Variants in PTPRR observed in about 807,000 individuals in gnomAD.
The protein encoded by PTPRR is protein tyrosine phosphatase receptor type R.
A neutral mutation model predicts 77.2 loss-of-function variants in PTPRR; 38 were observed. The ratio of observed to expected loss-of-function variants is 0.49; its 90% CI spans 0.38 to 0.65. The LOEUF is 0.65. PTPRR is among the 30% of genes least tolerant of loss of function. PTPRR has a pLI of 0.00. For synonymous variants in PTPRR, 299 were observed against 283.1 expected, an observed-to-expected ratio of 1.06 and a Z score of -0.57; for missense variants, 744 against 799.2, an observed-to-expected ratio of 0.93 and a Z score of 0.83.
chr12:70,663,699 G>C (rs558434597), intron 10 of PTPRR, among the ~76,000 whole-genome samples: 48 of 152,168 alleles, frequency 3.2e-4, no homozygotes, highest in Admixed American at 7.2e-4. Flanking sequence ...AATGTAAAAT[G>C]ACAAATGTTT....
chr12:70,861,050 C>A (rs993427547), intron 2 of PTPRR, among the ~76,000 whole-genome samples: 1 of 152,012 alleles, frequency 6.6e-6, no homozygotes, highest in African/African-American at 2.4e-5. Flanking sequence ...GTGTTGAATT[C>A]CTAGAATTTA....
In PTPRR at chr12:70,730,897, G is replaced by GGA. The variant is rs1196382517; in HGVS notation, c.1007+14919_1007+14920dup. Among the ~76,000 whole-genome samples, 7 of 148,720 alleles carry GGA rather than the reference G, an allele frequency of 4.7e-5. No homozygotes were observed. The South Asian group carries it at 8.7e-4, about 18-fold the overall frequency. ...TAGAGAAAGAGAGAGGAGGGAGGAA[G>GGA]GAGAGAGAGAGACAGAGAATGAAGG... On this transcript the variant is annotated intron_variant, in intron 6 of 13. Coordinates refer to ENST00000283228, the MANE Select transcript of PTPRR (RefSeq NM_002849.4).
chr12:70,783,157 G>A (rs1253694186), intron 2 of PTPRR, among the ~76,000 whole-genome samples: 3 of 152,118 alleles, frequency 2.0e-5, no homozygotes, highest in Admixed American at 6.5e-5. Context: ...ATGCAGACAA[G>A]TGAAGGGTGA....
At chr12:70,880,656 C>T (rs546847486) in intron 2 of PTPRR, among the ~76,000 whole-genome samples, 15 of 152,144 alleles carry the variant, frequency 9.9e-5, no homozygotes, top group Non-Finnish European at 1.5e-4. Context: ...GTCTGTTGTA[C>T]TGCTTAGAGT....
chr12:70,849,071 T>C (rs1020460283), intron 2 of PTPRR, among the ~76,000 whole-genome samples: 1 of 152,174 alleles, frequency 6.6e-6, no homozygotes, highest in Non-Finnish European at 1.5e-5. Flanking sequence ...AATTGACTAA[T>C]AGCAAACTTT....
chr12:70,754,943 T>C (rs918504666), intron 4 of PTPRR, among the ~76,000 whole-genome samples: 2 of 152,162 alleles, frequency 1.3e-5, no homozygotes, highest in African/African-American at 4.8e-5. Flanking sequence ...GAATTATTTG[T>C]CAATAAAAGG....
At chr12:70,827,146 A>ATCATGATC (rs1245076365) in intron 2 of PTPRR, among the ~76,000 whole-genome samples, 5 of 152,320 alleles carry the variant, frequency 3.3e-5, no homozygotes, top group Admixed American at 2.6e-4. Context: ...CATGGCATTT[A>ATCATGATC]TCATGATCTA....
Position 70,817,078 on chromosome 12 carries a change from T to C in PTPRR, c.358-52300A>G, listed in dbSNP as rs571172241. 3.2e-4 allele frequency among the ~76,000 whole-genome samples: 48 copies of C among 152,240 alleles called. No individual in the cohort carries two copies. In the South Asian group the frequency reaches 9.7e-3, roughly 31 times the overall value. ...ACTGCTAAATAGATGGGTGAACAAA[T>C]GAATGAATACTATTATGTGTTATAC... On this transcript the variant is annotated intron_variant, in intron 2 of 13. Transcript: ENST00000283228.
At chr12:70,782,453 T>C (rs147055847) in intron 2 of PTPRR, among the ~76,000 whole-genome samples, 3,786 of 152,146 alleles carry the variant, frequency 0.025, 148 homozygotes, top group African/African-American at 0.087. Flanking sequence ...TGTCCATCAA[T>C]GATAGACTGG....
chr12:70,755,210 A>G (rs1043489175), intron 4 of PTPRR, among the ~76,000 whole-genome samples: 1 of 152,158 alleles, frequency 6.6e-6, no homozygotes, highest in Non-Finnish European at 1.5e-5. Context: ...TAAAGGCTAA[A>G]TCAAGTCAAA....
intron 2 of PTPRR, among the ~76,000 whole-genome samples, chr12:70,865,420 C>T (rs1311756506): frequency 2.0e-5 from 3 of 152,082 alleles, no homozygotes; most frequent in Non-Finnish European, 4.4e-5. Context: ...AGGATGGTCA[C>T]CTTCCAAATG....
intron 2 of PTPRR, among the ~76,000 whole-genome samples, chr12:70,793,678 T>A (rs1185471890): frequency 6.6e-6 from 1 of 152,216 alleles, no homozygotes; most frequent in African/African-American, 2.4e-5. Flanking sequence ...CATTCTTCCA[T>A]CAAACGAGGG....
intron 10 of PTPRR, 79 bp from the exon 11 acceptor site, chr12:70,662,684 A>G: frequency 2.8e-6 from 2 of 711,180 alleles, no homozygotes; most frequent in Non-Finnish European, 4.7e-6. Flanking sequence ...AAGCATCTCA[A>G]GAGTTTTATA....
In PTPRR at chr12:70,920,435, A is replaced by T; in HGVS notation, c.-45T>A. ...GGAGGAGAAACTCCACCACGACCCC[A>T]CTTCAGGTAAAGTGCTATTAGAAAG... On this transcript the variant is annotated 5_prime_UTR_variant, in exon 1 of 14. Coordinates refer to ENST00000283228, the MANE Select transcript of PTPRR (RefSeq NM_002849.4). The T allele has an allele frequency of 1.9e-6, 3 of 1,574,400 alleles. No individual in the cohort carries two copies. The highest frequency in any genetic ancestry group is 2.6e-6 in the Non-Finnish European group (3 of 1,148,258).
chr12:70,781,251 T>C (rs1891197291), intron 2 of PTPRR, among the ~76,000 whole-genome samples: 3 of 152,216 alleles, frequency 2.0e-5, no homozygotes, highest in Admixed American at 2.0e-4. Flanking sequence ...TCTTGTTAGG[T>C]AGCCTTATTT....
At chr12:70,669,538 A>C (rs1887136841) in intron 10 of PTPRR, among the ~76,000 whole-genome samples, 1 of 146,806 alleles carries the variant, frequency 6.8e-6, no homozygotes, top group African/African-American at 2.6e-5. Context: ...ATATACACAC[A>C]AGCCATATAT....
At chr12:70,855,815 C>T (rs1168036028) in intron 2 of PTPRR, among the ~76,000 whole-genome samples, 5 of 152,136 alleles carry the variant, frequency 3.3e-5, no homozygotes, top group Admixed American at 2.0e-4. Flanking sequence ...CAAAGCACTG[C>T]TTGAAAACCT....
chr12:70,750,819 C>A (rs1382237258), intron 5 of PTPRR, among the ~76,000 whole-genome samples: 1 of 152,110 alleles, frequency 6.6e-6, no homozygotes, highest in Admixed American at 6.5e-5. Context: ...AGCCTCAAAC[C>A]CCTGGGCTCA....
rs1888417731 is a variant in PTPRR at position 70,701,318 on chromosome 12, C to T, written c.1013G>A (p.Gly338Glu). 4 of 1,613,034 alleles carry T rather than the reference C, an allele frequency of 2.5e-6. No individual in the cohort carries two copies. The highest frequency in any genetic ancestry group is 3.4e-6 in the Non-Finnish European group (4 of 1,179,284). ...MKPIGLQERR[G>E]SNVSLTLDMS... is the part of the protein sequence containing the mutation. ...GTCCAATGTAAGAGATACGTTGGAC[C>T]CTCTTCTACATTGGAGAAGAATGTT... The change falls in exon 7 of 14, where the codon GGG becomes GAG. Residue 338 changes from glycine to glutamate, a missense_variant. Physicochemically the swap from Gly to Glu is moderately conservative, Grantham distance 98. Around this residue, in one of 3 missense-constraint regions of PTPRR, gnomAD observed 570 missense variants for 573.2 expected, o/e 0.99. Transcript: ENST00000283228.
Sources: gnomAD v4.1 joint callset for allele counts (sites outside exome capture counted in the v4.1 genomes callset) on GRCh38, gnomAD v4.1.1 for gene constraint, gnomAD v4.1.1 regional missense constraint, MANE v1.5 for transcripts, NCBI Gene and HGNC (gene_info 2026-07-23, HGNC 2026-07-21) for gene names.